SLC45A4: variants seen among roughly 807,000 people sequenced by gnomAD.
SLC45A4 encodes the protein solute carrier family 45 member 4, also known as polyamine-transporter SLC45A4.
SLC45A4 carries 32 observed loss-of-function variants against 63.7 expected under a neutral mutation model. The observed-to-expected ratio is 0.50, with a 90% confidence interval of 0.38 to 0.67. SLC45A4 has a LOEUF of 0.67. SLC45A4 is among the 30% of genes least tolerant of loss of function. The pLI is 0.00. For missense variants in SLC45A4, 1,027 were observed against 1,157.7 expected, an observed-to-expected ratio of 0.89 and a Z score of 1.64; for synonymous variants, 535 against 510.0, an observed-to-expected ratio of 1.05 and a Z score of -0.66.
chr8:141,217,419 G>A (rs1338304427), intron 5 of SLC45A4, among the ~76,000 whole-genome samples: 3 of 152,342 alleles, frequency 2.0e-5, no homozygotes, highest in Non-Finnish European at 1.5e-5. Flanking sequence ...GGCAAGAGGC[G>A]GAGGGTTCTG....
intron 1 of SLC45A4, among the ~76,000 whole-genome samples, chr8:141,298,811 G>A (rs888409261): frequency 5.9e-5 from 9 of 152,184 alleles, no homozygotes; most frequent in Non-Finnish European, 1.2e-4. Context: ...ACCTGGCATG[G>A]GGAGTGACCG....
intron 1 of SLC45A4, among the ~76,000 whole-genome samples, chr8:141,262,196 C>T (rs1452575098): frequency 4.0e-5 from 6 of 150,980 alleles, no homozygotes; most frequent in African/African-American, 1.5e-4. Flanking sequence ...CCCTTCCTTA[C>T]ACCTTATACA....
intron 2 of SLC45A4, among the ~76,000 whole-genome samples, chr8:141,224,012 T>C (rs1200300751): frequency 6.6e-6 from 1 of 152,176 alleles, no homozygotes; most frequent in Non-Finnish European, 1.5e-5. Context: ...GTTTTTTTTT[T>C]TTTTAGCATT....
chr8:141,211,861 T>C (rs146894007), intron 8 of SLC45A4, 164 bp from the exon 9 acceptor site: 433 of 1,270,320 alleles, frequency 3.4e-4, no homozygotes, highest in Admixed American at 2.6e-3. Context: ...TCTATATAAA[T>C]GTTTTATATC....
intron 2 of SLC45A4, among the ~76,000 whole-genome samples, chr8:141,251,426 CTT>C (rs1365303890): frequency 1.3e-5 from 2 of 152,022 alleles, no homozygotes; most frequent in African/African-American, 4.8e-5. Flanking sequence ...GGTCGGGTCA[CTT>C]TCTTTCTCGA....
intron 2 of SLC45A4, among the ~76,000 whole-genome samples, chr8:141,237,245 T>C (rs1485942449): frequency 2.6e-5 from 4 of 152,196 alleles, no homozygotes; most frequent in African/African-American, 4.8e-5. Flanking sequence ...ATCACCTCCC[T>C]GGAGTGGCAC....
chr8:141,255,148 G>A (rs985625928), intron 1 of SLC45A4, among the ~76,000 whole-genome samples: 16 of 152,214 alleles, frequency 1.1e-4, no homozygotes, highest in Non-Finnish European at 5.9e-5. Context: ...GCTGGAGTGC[G>A]GTCACACGAC....
At chr8:141,266,154 T>C (rs868787734) in intron 1 of SLC45A4, among the ~76,000 whole-genome samples, 8 of 152,208 alleles carry the variant, frequency 5.3e-5, no homozygotes, top group Non-Finnish European at 7.3e-5. Context: ...TGAGCCATGC[T>C]TCCTGGGAAG....
chr8:141,249,895 C>T (rs1828386121), intron 2 of SLC45A4, among the ~76,000 whole-genome samples: 1 of 152,226 alleles, frequency 6.6e-6, no homozygotes, highest in South Asian at 2.1e-4. Flanking sequence ...AAGCCCTGTT[C>T]CTATAACCTG....
chr8:141,268,865 C>A (rs1213627586), intron 1 of SLC45A4, among the ~76,000 whole-genome samples: 1 of 152,200 alleles, frequency 6.6e-6, no homozygotes, highest in African/African-American at 2.4e-5. Flanking sequence ...CCTGGAAAAA[C>A]CCAGCTTGGC....
intron 1 of SLC45A4, among the ~76,000 whole-genome samples, chr8:141,280,931 C>T (rs1296106130): frequency 6.6e-6 from 1 of 152,210 alleles, no homozygotes; most frequent in Non-Finnish European, 1.5e-5. Context: ...GGCTGTGCGT[C>T]CTACACCAGG....
At position 141,208,001 on chromosome 8, in the gene SLC45A4, T is replaced by A. The variant is rs1473994844; in HGVS notation, c.*3571A>T. On this transcript the variant is annotated 3_prime_UTR_variant, in exon 9 of 9. Transcript: ENST00000517878. Reference sequence around the variant, plus strand: ...ACCAGGCTTGGAGGCAGGGAGCTGGTGTCTCTCAGAAGCGGCGCGTGCTGG... The same window carrying A: ...ACCAGGCTTGGAGGCAGGGAGCTGGAGTCTCTCAGAAGCGGCGCGTGCTGG... 2.6e-5 allele frequency: 4 copies of A among 152,336 alleles called. No homozygotes were observed. The highest frequency in any genetic ancestry group is 5.9e-5 in the Non-Finnish European group (4 of 68,136). The allele number at this position is 152,336 out of a possible 1,614,324, so 9.4% of individuals were successfully genotyped here.
At chr8:141,241,886 G>C (rs61138497) in intron 2 of SLC45A4, among the ~76,000 whole-genome samples, 1,633 of 152,352 alleles carry the variant, frequency 0.011, 31 homozygotes, top group African/African-American at 0.037. Flanking sequence ...GGCAGAAGTG[G>C]GGGCAGGGCC....
At chr8:141,253,951 C>A (rs1307467021) in intron 2 of SLC45A4, 38 bp downstream of exon 2, 2 of 1,532,730 alleles carry the variant, frequency 1.3e-6, no homozygotes, top group Non-Finnish European at 1.7e-6. Context: ...TAGCACTCCG[C>A]TCAGCGTTCA....
At chr8:141,295,702 C>T (rs761380852) in intron 1 of SLC45A4, among the ~76,000 whole-genome samples, 1 of 152,184 alleles carries the variant, frequency 6.6e-6, no homozygotes, top group African/African-American at 2.4e-5. Flanking sequence ...ATTGACCACT[C>T]GGAACCCAAC....
At chr8:141,222,374 G>C (rs1349853347) in intron 2 of SLC45A4, among the ~76,000 whole-genome samples, 3 of 152,222 alleles carry the variant, frequency 2.0e-5, no homozygotes, top group Non-Finnish European at 4.4e-5. Flanking sequence ...TGCACCATGA[G>C]TGTCTCCAGC....
At chr8:141,221,491 A>C in intron 3 of SLC45A4, 86 bp downstream of exon 3, 1 of 1,476,464 alleles carries the variant, frequency 6.8e-7, no homozygotes, top group Non-Finnish European at 9.2e-7. Context: ...AATATTCAAC[A>C]CCATTCAGCT....
At chr8:141,290,883 C>A (rs1830322112) in intron 1 of SLC45A4, among the ~76,000 whole-genome samples, 1 of 152,236 alleles carries the variant, frequency 6.6e-6, no homozygotes, top group Admixed American at 6.5e-5. Flanking sequence ...GGGTCTCACT[C>A]TGTCACCCGG....
intron 1 of SLC45A4, among the ~76,000 whole-genome samples, chr8:141,302,599 T>C (rs1020332107): frequency 7.9e-5 from 12 of 152,242 alleles, no homozygotes; most frequent in Admixed American, 3.9e-4. Flanking sequence ...CCCAAAGAGC[T>C]AGGATTACAG....
Sources: allele counts gnomAD v4.1 joint callset (sites outside exome capture counted in the v4.1 genomes callset), GRCh38; gene constraint gnomAD v4.1.1; transcripts MANE v1.5; gene names NCBI Gene and HGNC (gene_info 2026-07-23, HGNC 2026-07-21).